The following WDR70 variants were observed in gnomAD, a reference collection of about 807,000 sequenced individuals.
The protein encoded by WDR70 is WD repeat domain 70.
A neutral mutation model predicts 88.6 loss-of-function variants in WDR70; 53 were observed. That is an observed-to-expected ratio of 0.60 (90% CI 0.48 to 0.75). The LOEUF (loss-of-function observed/expected upper bound fraction) is 0.75. Among genes scored for constraint, WDR70 ranks in the 30% least tolerant of loss-of-function variants. The pLI is 0.00. For missense variants in WDR70, 610 were observed against 823.2 expected (o/e 0.74, Z 3.17); for synonymous variants, 280 against 270.0 (o/e 1.04, Z -0.36).
At chr5:37,415,660 G>A (rs1362768021) in intron 5 of WDR70, among the ~76,000 whole-genome samples, 4 of 150,214 alleles carry the variant, frequency 2.7e-5, no homozygotes, top group Non-Finnish European at 5.9e-5. Context: ...CCGGGCGGGG[G>A]GCTGACCCCC....
chr5:37,705,847 G>A (rs1747307444), intron 13 of WDR70, among the ~76,000 whole-genome samples: 1 of 152,066 alleles, frequency 6.6e-6, no homozygotes, highest in Non-Finnish European at 1.5e-5. Flanking sequence ...TTTGACTAAG[G>A]CACAGACAGT....
At chr5:37,396,060 A>C (rs1032118571) in intron 4 of WDR70, among the ~76,000 whole-genome samples, 4 of 152,174 alleles carry the variant, frequency 2.6e-5, no homozygotes, top group Non-Finnish European at 5.9e-5. Flanking sequence ...TGGTCCCTGA[A>C]AGTGCTGGCG....
At chr5:37,642,973 TGCA>T (rs984739170) in intron 10 of WDR70, among the ~76,000 whole-genome samples, 1 of 152,168 alleles carries the variant, frequency 6.6e-6, no homozygotes, top group Non-Finnish European at 1.5e-5. Flanking sequence ...TTCTTTGCTT[TGCA>T]GAAGATTTTT....
At chr5:37,582,152 ATAGAATGGGTCATTTT>A (rs570701115) in intron 9 of WDR70, among the ~76,000 whole-genome samples, 1 of 152,280 alleles carries the variant, frequency 6.6e-6, no homozygotes, top group African/African-American at 2.4e-5. Context: ...ATTTTAAGTT[ATAGAATGGGTCATTTT>A]TAGAATGGGT....
chr5:37,645,634 A>G (rs1038128506), intron 10 of WDR70, among the ~76,000 whole-genome samples: 21 of 151,996 alleles, frequency 1.4e-4, no homozygotes, highest in African/African-American at 4.3e-4. Flanking sequence ...AATGTTTGCT[A>G]TATACATCTG....
At chr5:37,443,667 A>G (rs2112055735) in intron 7 of WDR70, among the ~76,000 whole-genome samples, 1 of 152,328 alleles carries the variant, frequency 6.6e-6, no homozygotes, top group East Asian at 1.9e-4. Context: ...AGAATGGACA[A>G]CATGGCAAAA....
intron 9 of WDR70, among the ~76,000 whole-genome samples, chr5:37,541,253 G>A (rs1741807790): frequency 6.6e-6 from 1 of 152,102 alleles, no homozygotes; most frequent in African/African-American, 2.4e-5. Flanking sequence ...GAAATGAAAG[G>A]AAAAGTAAAC....
intron 10 of WDR70, among the ~76,000 whole-genome samples, chr5:37,689,783 A>G (rs1746727650): frequency 6.6e-6 from 1 of 152,242 alleles, no homozygotes; most frequent in African/African-American, 2.4e-5. Flanking sequence ...TGAAAATTCT[A>G]AAAACCAGAG....
At chr5:37,403,606 G>C (rs1438883534) in intron 5 of WDR70, among the ~76,000 whole-genome samples, 6 of 152,202 alleles carry the variant, frequency 3.9e-5, no homozygotes, top group Admixed American at 3.9e-4. Flanking sequence ...TAATAGGAAA[G>C]CAACCAATTT....
chr5:37,433,783 A>T (rs1750387400), intron 5 of WDR70, among the ~76,000 whole-genome samples: 1 of 152,204 alleles, frequency 6.6e-6, no homozygotes, highest in South Asian at 2.1e-4. Flanking sequence ...TTGAGCACTG[A>T]ACCCTGTGTA....
chr5:37,495,496 G>T (rs895480177), intron 8 of WDR70, among the ~76,000 whole-genome samples: 1 of 151,972 alleles, frequency 6.6e-6, no homozygotes, highest in Non-Finnish European at 1.5e-5. Context: ...GCGTGTGTGT[G>T]TGTGTGTTTT....
chr5:37,482,913 G>A (rs184547910), intron 8 of WDR70, among the ~76,000 whole-genome samples: 24 of 152,112 alleles, frequency 1.6e-4, no homozygotes, highest in African/African-American at 5.5e-4. Context: ...GACATGCTGT[G>A]GTACACACTT....
chr5:37,475,323 C>G (rs1015843750), intron 7 of WDR70, among the ~76,000 whole-genome samples: 4 of 152,162 alleles, frequency 2.6e-5, no homozygotes, highest in African/African-American at 7.2e-5. Context: ...CAACCTCCAC[C>G]TCCCAGGTTC....
intron 10 of WDR70, among the ~76,000 whole-genome samples, chr5:37,659,269 A>G (rs182278726): frequency 1.4e-4 from 21 of 152,360 alleles, no homozygotes; most frequent in Admixed American, 1.4e-3. Context: ...AGTAGTAGCA[A>G]TGACATTTTT....
chr5:37,690,485 A>C (rs1746758472), intron 10 of WDR70, among the ~76,000 whole-genome samples: 1 of 152,252 alleles, frequency 6.6e-6, no homozygotes, highest in Non-Finnish European at 1.5e-5. Context: ...CACAAAGGGA[A>C]GCCCATCAGA....
At chr5:37,600,998 T>C (rs1743865740) in intron 9 of WDR70, among the ~76,000 whole-genome samples, 1 of 152,244 alleles carries the variant, frequency 6.6e-6, no homozygotes, top group African/African-American at 2.4e-5. Context: ...CAGAGACAAT[T>C]TCACTTCTTT....
chr5:37,480,232 C>T (rs1030363356), intron 8 of WDR70, among the ~76,000 whole-genome samples: 5 of 152,190 alleles, frequency 3.3e-5, no homozygotes, highest in Admixed American at 1.3e-4. Flanking sequence ...TGCTCCATGG[C>T]ATCTCTCTGT....
chr5:37,636,951 A>G (rs926210964), intron 10 of WDR70, among the ~76,000 whole-genome samples: 1 of 152,144 alleles, frequency 6.6e-6, no homozygotes, highest in Admixed American at 6.5e-5. Context: ...TTTGATAATT[A>G]TATAATCTTG....
At chr5:37,604,905 G>A (rs973485652) in intron 9 of WDR70, among the ~76,000 whole-genome samples, 159 bp from the exon 10 acceptor site, 1 of 152,156 alleles carries the variant, frequency 6.6e-6, no homozygotes, top group Non-Finnish European at 1.5e-5. Context: ...TTTATAAATA[G>A]AGAATCTTTT....
Sources: allele counts gnomAD v4.1 joint callset (sites outside exome capture counted in the v4.1 genomes callset), GRCh38; gene constraint gnomAD v4.1.1; transcripts MANE v1.5; gene names NCBI Gene and HGNC (gene_info 2026-07-23, HGNC 2026-07-21).